The following TTN variants were observed in gnomAD, a reference collection of about 807,000 sequenced individuals.
TTN encodes the protein titin.
TTN carries 1,525 observed loss-of-function variants against 3,223.0 expected under a neutral mutation model. The ratio of observed to expected loss-of-function variants is 0.47; its 90% confidence interval spans 0.45 to 0.49. The LOEUF (loss-of-function observed/expected upper bound fraction) is 0.49. Among genes scored for constraint, TTN ranks in the 20% least tolerant of loss-of-function variants. The pLI is 0.00. For synonymous variants in TTN, 14,094 were observed against 15,161.0 expected (o/e 0.93, Z 5.17); for missense variants, 40,786 against 43,424.0 (o/e 0.94, Z 5.40).
At position 178,568,767 on chromosome 2, in the gene TTN, T is replaced by G; in HGVS notation, c.77365A>C (p.Ile25789Leu). 6.2e-7 allele frequency: 1 copy of G among 1,612,900 alleles called. No individual in the cohort carries two copies. Among genetic ancestry groups the G allele is most frequent in the Non-Finnish European group, 8.5e-7 (1 of 1,179,306 alleles). ...TCAATTACCAGATCTTTGGCAACTA[T>G]TGGAACTGCAAGGGACCGAGGATCA... ...RSDPRSLAVP[I>L]VAKDLVIEPD... Residue 25789 changes from isoleucine (I) to leucine (L), a missense_variant, in exon 326 of 363, where the codon ATA (isoleucine) becomes CTA (leucine). By Grantham distance (5) the Ile-to-Leu change is conservative (BLOSUM62 2). Transcript: ENST00000589042.
At position 178,636,166 on chromosome 2, in the gene TTN, C is replaced by T; in HGVS notation, c.41405G>A (p.Cys13802Tyr). 6.2e-7 allele frequency: 1 copy of T among 1,612,696 alleles called. No homozygotes were observed. Among genetic ancestry groups the T allele is most frequent in the East Asian group, 2.2e-5 (1 of 44,588 alleles). The change falls in exon 226 of 363, where the codon TGC becomes TAC. Residue 13802 changes from cysteine (C) to tyrosine (Y), a missense_variant. Cys to Tyr is a radical substitution (Grantham distance 194). Coordinates refer to ENST00000589042, the MANE Select transcript of TTN (RefSeq NM_001267550.2). This position sits in a 1 kb window ranked among gnomAD's most constrained non-coding sequence, Gnocchi z 4.3. Reference sequence around the variant, plus strand: ...CACGTCACGCTCTTTGTTTAACTCGCAGCTCAAGTACAATGGCTGTCCTTT... The same window carrying T: ...CACGTCACGCTCTTTGTTTAACTCGTAGCTCAAGTACAATGGCTGTCCTTT... ...VVKGQPLYLSCELNKERDVVW... is the reference protein window; with the variant it reads ...VVKGQPLYLSYELNKERDVVW...
intron 336 of TTN, chr2:178,550,568 T>C (rs1457433519): frequency 7.1e-6 from 3 of 419,866 alleles, no homozygotes; most frequent in Non-Finnish European, 1.3e-5. Flanking sequence ...TGCTGCACAG[T>C]CACACAAGTT....
intron 132 of TTN, 103 bp downstream of exon 132, chr2:178,684,227 T>TAAA: frequency 4.7e-6 from 6 of 1,280,408 alleles, no homozygotes; most frequent in Non-Finnish European, 6.6e-6. Flanking sequence ...AACAACAACA[T>TAAA]CAACAACAAC....
Position 178,717,367 on chromosome 2 carries a change from G to C in TTN, c.25367C>G (p.Pro8456Arg). ...TGATACAGGCTTTAGATCAAAGAAA[G>C]GAGGCACTTCATGCTCTGAAAAGAA... ...KLILSEHEVPPFFDLKPVSVD... is the reference protein window; with the variant it reads ...KLILSEHEVPRFFDLKPVSVD... Residue 8456 changes from proline to arginine, a missense_variant, in exon 88 of 363, where the codon CCT (proline) becomes CGT (arginine). Transcript: ENST00000589042. 1 of 1,608,022 alleles carries C rather than the reference G, an allele frequency of 6.2e-7. No homozygotes were observed.
At chr2:178,593,117 T>C (rs1169680661) in intron 299 of TTN, 34 bp from the exon 300 acceptor site, 8 of 1,610,854 alleles carry the variant, frequency 5.0e-6, no homozygotes, top group Non-Finnish European at 6.8e-6. Flanking sequence ...AATTAGCATA[T>C]AGCTGAAAAC....
Position 178,684,950 on chromosome 2 carries a change from A to G in TTN, c.32510T>C (p.Val10837Ala). ...APKKIVPEKK[V>A]PAPVPKKEKV... is the part of the protein sequence containing the mutation. Reference sequence around the variant, plus strand: ...TTCCTTTTTAGGAACTGGAGCAGGAACTTTCTTTTCTGGCACAATTTTCTT... The same window carrying G: ...TTCCTTTTTAGGAACTGGAGCAGGAGCTTTCTTTTCTGGCACAATTTTCTT... The change falls in exon 130 of 363, where the codon GTT (valine) becomes GCT (alanine). Residue 10837 changes from valine (V) to alanine (A), a missense_variant. Transcript: ENST00000589042. 7.5e-6 allele frequency: 12 copies of G among 1,609,108 alleles called. No individual in the cohort carries two copies. The highest frequency in any genetic ancestry group is 8.5e-6 in the Non-Finnish European group (10 of 1,177,468).
chr2:178,546,472 A>C lies in TTN; in HGVS notation c.94859T>G (p.Leu31620Ter), dbSNP rs561946873. The C allele has an allele frequency of 6.2e-7, 1 of 1,613,038 alleles. No individual in the cohort carries two copies. Among genetic ancestry groups the C allele is most frequent in the African/African-American group, 1.3e-5 (1 of 75,026 alleles). ...TCTGATGGTAACCAGATCACCGTGT[A>C]ATCGGGCATCCAGTTCGGCTTTGGG... ...APPKAELDAR[L>*]HGDLVTIRAG... The change falls in exon 342 of 363, where the codon TTA becomes TGA. Residue 31620 changes from leucine (L) to a stop codon, truncating the protein, a stop_gained. Transcript: ENST00000589042. LOFTEE classifies it high-confidence loss of function.
In TTN at chr2:178,730,169, G is replaced by A. The variant is rs377639910; in HGVS notation, c.18231C>T (p.Thr6077=). ...GTTGGCAAATGTAGGTTCCAGAATC[G>A]GTAGCTTTGGCTGCAAAGAGCTCTA... is the stretch of plus-strand genomic sequence containing the variant. The part of the protein sequence containing the change: ...TSLELFAAKA[T]DSGTYICQLS... Residue 6077 remains threonine (T), a synonymous_variant, in exon 62 of 363, where the codon ACC becomes ACT. Transcript: ENST00000589042. 2.7e-5 allele frequency: 43 copies of A among 1,613,226 alleles called. No homozygotes were observed. The highest frequency in any genetic ancestry group is 4.0e-5 in the African/African-American group (3 of 74,876).
chr2:178,540,292 T>C lies in TTN; in HGVS notation c.97874A>G (p.Glu32625Gly). 6.2e-7 allele frequency: 1 copy of C among 1,613,822 alleles called. No individual in the cohort carries two copies. Among genetic ancestry groups the C allele is most frequent in the South Asian group, 1.1e-5 (1 of 91,080 alleles). ...TSVSLAWSVP[E>G]DEGGSKVTGY... ...TGTGACTTTAGATCCTCCTTCATCT[T>C]CTGGAACACTCCAGGCCAGGGAGAC... Residue 32625 changes from glutamate (E) to glycine (G), a missense_variant, in exon 351 of 363, where the codon GAA (glutamate) becomes GGA (glycine). By Grantham distance (98) the Glu-to-Gly change is moderately conservative (BLOSUM62 -2). Transcript: ENST00000589042.
rs532844402 is a variant in TTN, at chr2:178,589,300, C to T, written c.62425G>A (p.Ala20809Thr). 290 of 1,613,116 alleles carry T rather than the reference C, an allele frequency of 1.8e-4. No individual in the cohort carries two copies. The highest frequency in any genetic ancestry group is 2.4e-4 in the Non-Finnish European group (279 of 1,179,378). ...CTTGGTGATCTTGTTAAGTCTGTAG[C>T]GTCTTTGTCCTTGGTCCATGCAACT... ...PEVAWTKDKD[A>T]TDLTRSPRVK... Residue 20809 changes from alanine to threonine, a missense_variant, in exon 304 of 363, where the codon GCT becomes ACT. Transcript: ENST00000589042.
intron 255 of TTN, 32 bp downstream of exon 255, chr2:178,617,088 T>C (rs566065905): frequency 5.0e-6 from 8 of 1,610,544 alleles, no homozygotes; most frequent in Non-Finnish European, 6.8e-6. Flanking sequence ...CTATGTGCTA[T>C]TCCCCGATCT....
Position 178,702,086 on chromosome 2 carries a change from T to A in TTN, c.30512-20A>T. The stretch of plus-strand genomic sequence containing the variant: ...TGATTTCTGCAAAATAAAAAAAAAA[T>A]GATATTTTTGTGTTCAGAATGGTAT... On this transcript the variant is annotated intron_variant, in intron 108 of 362. Coordinates refer to ENST00000589042, the MANE Select transcript of TTN (RefSeq NM_001267550.2). 1.2e-6 allele frequency: 2 copies of A among 1,606,248 alleles called. No homozygotes were observed. Among genetic ancestry groups the A allele is most frequent in the South Asian group, 1.1e-5 (1 of 89,582 alleles).
intron 111 of TTN, among the ~76,000 whole-genome samples, chr2:178,699,382 T>C (rs1206648427): frequency 8.5e-6 from 1 of 118,030 alleles, no homozygotes; most frequent in African/African-American, 3.3e-5. Flanking sequence ...TAAATAACAC[T>C]CTTTTTTTTT....
rs183010574 is a variant in TTN, at chr2:178,604,043, C to G, written c.54644G>C (p.Arg18215Pro). 8.7e-6 allele frequency: 14 copies of G among 1,612,932 alleles called. No homozygotes were observed. The highest frequency in any genetic ancestry group is 6.7e-5 in the Admixed American group (4 of 59,966). Reference protein sequence around the residue: ...KREEGSPYWSRVSRAPITKVG... With the variant: ...KREEGSPYWSPVSRAPITKVG... The stretch of plus-strand genomic sequence containing the variant: ...TTTGGTTATTGGTGCTCGGCTAACA[C>G]GTGACCAATAAGGACTTCCCTCTTC... Residue 18215 changes from arginine to proline, a missense_variant, in exon 282 of 363, where the codon CGT (arginine) becomes CCT (proline). Coordinates refer to ENST00000589042, the MANE Select transcript of TTN (RefSeq NM_001267550.2).
Position 178,693,984 on chromosome 2 carries a change from ATCT to A in TTN, c.31448_31450del (p.Lys10483del), listed in dbSNP as rs770903235. 1.2e-6 allele frequency: 2 copies of A among 1,612,228 alleles called. No homozygotes were observed. The highest frequency in any genetic ancestry group is 1.1e-5 in the South Asian group (1 of 90,710). On this transcript the variant is annotated inframe_deletion, in exon 118 of 363. Transcript: ENST00000589042. ...GAACATCTTTTCTTCTGAAATAACCATCTTCTTTGTATGCACAGCTGGTACTTT... is the reference window on the plus strand; with the variant it reads ...GAACATCTTTTCTTCTGAAATAACCATCTTTGTATGCACAGCTGGTACTTT...
At chr2:178,621,051 AT>A in intron 246 of TTN, 50 bp downstream of exon 246, 1 of 1,605,716 alleles carries the variant, frequency 6.2e-7, no homozygotes, top group Non-Finnish European at 8.5e-7. Flanking sequence ...GTAAATACAA[AT>A]ACAAAACAAA....
rs794729537 is a variant in TTN, at chr2:178,547,422, C to A, written c.94204G>T (p.Ala31402Ser). 6.3e-7 allele frequency: 1 copy of A among 1,599,904 alleles called. No homozygotes were observed. Among genetic ancestry groups the A allele is most frequent in the Admixed American group, 1.7e-5 (1 of 58,786 alleles). ...SKPLESAPII[A>S]EHPFVPPSAP... ...TTTTTCTTACCAAATGGATGTTCAG[C>A]AATTATTGGTGCTGATTCTAGAGGT... The change falls in exon 339 of 363, where the codon GCT becomes TCT. Residue 31402 changes from alanine (A) to serine (S), a missense_variant. By Grantham distance (99) the Ala-to-Ser change is moderately conservative. Transcript: ENST00000589042.
rs1346291126 is a variant in TTN, at chr2:178,729,035, C to T, written c.19003G>A (p.Asp6335Asn). 1.2e-6 allele frequency: 2 copies of T among 1,612,848 alleles called. No individual in the cohort carries two copies. Among genetic ancestry groups the T allele is most frequent in the Non-Finnish European group, 1.7e-6 (2 of 1,179,422 alleles). Residue 6335 changes from aspartate to asparagine, a missense_variant, in exon 65 of 363, where the codon GAT becomes AAT. Coordinates refer to ENST00000589042, the MANE Select transcript of TTN (RefSeq NM_001267550.2). ...ACAAATGAAATATAGACATTATCAT[C>T]TTCATCAAGAATCTGATCATCCTTT... ...WLKDDQILDE[D>N]DNVYISFVDS...
intron 311 of TTN, 128 bp from the exon 312 acceptor site, chr2:178,584,034 C>G: frequency 8.6e-7 from 1 of 1,157,312 alleles, no homozygotes. Flanking sequence ...ATTTTAATAA[C>G]CGTCCAACTA....
Sources: allele counts gnomAD v4.1 joint callset (sites outside exome capture counted in the v4.1 genomes callset), GRCh38; gene constraint gnomAD v4.1.1; non-coding constraint Gnocchi (gnomAD v3.1); transcripts MANE v1.5; gene names NCBI Gene and HGNC (gene_info 2026-07-23, HGNC 2026-07-21).